Variants in PCDHGA5 observed in about 807,000 individuals in gnomAD.
PCDHGA5 encodes protocadherin gamma subfamily A, 5.
Under a neutral mutation model 56.7 loss-of-function variants are expected in PCDHGA5, and 36 were observed. The ratio of observed to expected loss-of-function variants is 0.64; its 90% CI spans 0.49 to 0.84. PCDHGA5 has a LOEUF of 0.84. Among genes scored for constraint, PCDHGA5 ranks in the 40% least tolerant of loss-of-function variants. The probability of loss-of-function intolerance (pLI) is 0.00; values close to 1 mark genes in which losing one functional copy is unlikely to be tolerated. For missense variants in PCDHGA5, 1,305 were observed against 1,201.5 expected (o/e 1.09, Z -1.27); for synonymous variants, 563 against 520.2 (o/e 1.08, Z -1.12).
intron 1 of PCDHGA5, chr5:141,423,723 T>C: frequency 8.5e-7 from 1 of 1,174,478 alleles, no homozygotes; most frequent in Non-Finnish European, 1.1e-6. Context: ...TAAGGAGATG[T>C]TTTTTGAGCC....
intron 1 of PCDHGA5, chr5:141,370,713 GA>G (rs1767141333): frequency 6.2e-7 from 1 of 1,613,856 alleles, no homozygotes; most frequent in African/African-American, 1.3e-5. Context: ...TCTGGAATTT[GA>G]AATGGTTGCT....
chr5:141,389,767 G>A (rs2091900481), intron 1 of PCDHGA5: 1 of 1,613,028 alleles, frequency 6.2e-7, no homozygotes, highest in Non-Finnish European at 8.5e-7. Flanking sequence ...CGCACAGCGC[G>A]TGCCTTAGGC....
In PCDHGA5 at chr5:141,413,371, CGCGGAGT is replaced by C. The variant is rs765391000; in HGVS notation, c.2421+46621_2421+46627del. The C allele has an allele frequency of 3.7e-6, 6 of 1,613,848 alleles. No homozygotes were observed. In the African/African-American group the frequency reaches 8.0e-5, roughly 22 times the overall value. On this transcript the variant is annotated intron_variant, in intron 1 of 3. Coordinates refer to ENST00000518069, the MANE Select transcript of PCDHGA5 (RefSeq NM_018918.3). ...TCTGGCGCCCCGGGAGCTGGCGGAG[CGCGGAGT>C]CCGCATAGTCTCCAGAGGTAGGACG...
intron 1 of PCDHGA5, among the ~76,000 whole-genome samples, chr5:141,457,015 A>T (rs1216403373): frequency 6.6e-6 from 1 of 152,182 alleles, no homozygotes; most frequent in Admixed American, 6.5e-5. Context: ...AATCCAATAA[A>T]AAGTCCTAGT....
chr5:141,421,524 G>A (rs375937711), intron 1 of PCDHGA5: 25 of 1,613,940 alleles, frequency 1.5e-5, no homozygotes, highest in Admixed American at 5.0e-5. Context: ...TCTGTGAGAC[G>A]GTGTCCTCCT....
At chr5:141,399,415 T>C in intron 1 of PCDHGA5, 1 of 1,613,974 alleles carries the variant, frequency 6.2e-7, no homozygotes, top group Non-Finnish European at 8.5e-7. Context: ...GCCCCTCTCC[T>C]CCAGCATAAG....
intron 1 of PCDHGA5, chr5:141,372,656 G>T: frequency 6.2e-7 from 1 of 1,613,956 alleles, no homozygotes; most frequent in Non-Finnish European, 8.5e-7. Flanking sequence ...CCTACAATCC[G>T]TGTGCTGCCT....
At chr5:141,481,356 T>A (rs1214829594) in intron 1 of PCDHGA5, among the ~76,000 whole-genome samples, 1 of 152,260 alleles carries the variant, frequency 6.6e-6, no homozygotes, top group East Asian at 1.9e-4. Context: ...CATCTACAGC[T>A]GTTCAATAGA....
At chr5:141,403,138 C>G in intron 1 of PCDHGA5, 1 of 1,614,036 alleles carries the variant, frequency 6.2e-7, no homozygotes, top group Non-Finnish European at 8.5e-7. Context: ...TGGCGGAGCG[C>G]CGAGTCCGCA....
intron 1 of PCDHGA5, chr5:141,478,008 C>T: frequency 6.2e-7 from 1 of 1,614,124 alleles, no homozygotes; most frequent in Non-Finnish European, 8.5e-7. Flanking sequence ...ATCAGTACTG[C>T]CCGTCCAGTC....
At chr5:141,472,412 G>C (rs1283620276) in intron 1 of PCDHGA5, among the ~76,000 whole-genome samples, 1 of 152,058 alleles carries the variant, frequency 6.6e-6, no homozygotes, top group Non-Finnish European at 1.5e-5. Context: ...GTGGTGGCAC[G>C]CACCTGTATC....
intron 1 of PCDHGA5, among the ~76,000 whole-genome samples, chr5:141,468,186 A>G (rs2099159540): frequency 6.6e-6 from 1 of 151,848 alleles, no homozygotes; most frequent in African/African-American, 2.4e-5. Context: ...TTTGCTGGGC[A>G]TGGTGGCGGG....
Position 141,431,103 on chromosome 5 carries a change from A to C in PCDHGA5, c.2422-63704A>C, listed in dbSNP as rs769542343. On this transcript the variant is annotated intron_variant, in intron 1 of 3. Coordinates refer to ENST00000518069, the MANE Select transcript of PCDHGA5 (RefSeq NM_018918.3). This position sits in a 1 kb window ranked among gnomAD's most constrained non-coding sequence, Gnocchi z 4.8. ...GACATTCTGATGGAGGATAAAGTGA[A>C]AATATATGGAGTAGAAGTAGAAGTA... 6.2e-7 allele frequency: 1 copy of C among 1,614,246 alleles called. No individual in the cohort carries two copies.
intron 1 of PCDHGA5, chr5:141,372,762 A>G (rs1769049237): frequency 6.2e-7 from 1 of 1,612,570 alleles, no homozygotes; most frequent in South Asian, 1.1e-5. Flanking sequence ...TTGGTTTGAA[A>G]GTAATGACAA....
At position 141,477,592 on chromosome 5, in the gene PCDHGA5, T is replaced by G; in HGVS notation, c.2422-17215T>G. On this transcript the variant is annotated intron_variant, in intron 1 of 3. Coordinates refer to ENST00000518069, the MANE Select transcript of PCDHGA5 (RefSeq NM_018918.3). The surrounding 1 kb of genome is among the most constrained non-coding windows in gnomAD (Gnocchi z 4.9). ...CCGACGCCCCGCAGAATGCTCGGCT[T>G]TCTTTCTTTCTCTTGGAGCAAGGAG... The G allele has an allele frequency of 6.2e-7, 1 of 1,614,142 alleles. No homozygotes were observed. Among genetic ancestry groups the G allele is most frequent in the Non-Finnish European group, 8.5e-7 (1 of 1,180,014 alleles).
chr5:141,371,138 G>T (rs761615775), intron 1 of PCDHGA5: 2 of 1,613,988 alleles, frequency 1.2e-6, no homozygotes, highest in South Asian at 1.1e-5. Flanking sequence ...ACATGTACAG[G>T]GTCAATGTTG....
intron 1 of PCDHGA5, among the ~76,000 whole-genome samples, chr5:141,429,812 A>G (rs2097246172): frequency 6.6e-6 from 1 of 152,226 alleles, no homozygotes; most frequent in South Asian, 2.1e-4. Context: ...AGTAATTACA[A>G]TTAGGTCAGT....
At position 141,487,254 on chromosome 5, in the gene PCDHGA5, C is replaced by T. The variant is rs1341564301; in HGVS notation, c.2422-7553C>T. On this transcript the variant is annotated intron_variant, in intron 1 of 3. Coordinates refer to ENST00000518069, the MANE Select transcript of PCDHGA5 (RefSeq NM_018918.3). The surrounding 1 kb of genome is among the most constrained non-coding windows in gnomAD (Gnocchi z 5.0). Reference sequence around the variant, plus strand: ...GAATCTCGTCTAACCCTCTACTTGGCTGTGTCCCTAGTGGCAATTTGCTTT... The same window carrying T: ...GAATCTCGTCTAACCCTCTACTTGGTTGTGTCCCTAGTGGCAATTTGCTTT... The T allele has an allele frequency of 1.2e-6, 2 of 1,614,126 alleles. No homozygotes were observed. Among genetic ancestry groups the T allele is most frequent in the East Asian group, 4.5e-5 (2 of 44,860 alleles).
At position 141,410,085 on chromosome 5, in the gene PCDHGA5, C is replaced by G; in HGVS notation, c.2421+43334C>G. 3 of 1,612,476 alleles carry G rather than the reference C, an allele frequency of 1.9e-6. No homozygotes were observed. In the South Asian group the frequency reaches 3.3e-5, roughly 18 times the overall value. On this transcript the variant is annotated intron_variant, in intron 1 of 3. Transcript: ENST00000518069. Reference sequence around the variant, plus strand: ...GGGCTGCGCACTGGGGAGGTGCGCACGGCTCGAGCCTTAGGCGACAGGGAC... The same window carrying G: ...GGGCTGCGCACTGGGGAGGTGCGCAGGGCTCGAGCCTTAGGCGACAGGGAC...
Sources: gnomAD v4.1 joint callset for allele counts (sites outside exome capture counted in the v4.1 genomes callset) on GRCh38, gnomAD v4.1.1 for gene constraint, Gnocchi (gnomAD v3.1) non-coding constraint, MANE v1.5 for transcripts, NCBI Gene and HGNC (gene_info 2026-07-23, HGNC 2026-07-21) for gene names.